Variants in NRXN3 observed in about 807,000 individuals in gnomAD.
The protein encoded by NRXN3 is neurexin 3, also known as neurexin III.
In NRXN3, 32 loss-of-function variants were observed where a neutral mutation model predicts 137.6. The ratio of observed to expected loss-of-function variants is 0.23; its 90% CI spans 0.18 to 0.31. NRXN3 has a LOEUF of 0.31. Among genes scored for constraint, NRXN3 ranks in the 10% least tolerant of loss-of-function variants. The probability of loss-of-function intolerance (pLI) is 1.00; values close to 1 mark genes in which losing one functional copy is unlikely to be tolerated. For synonymous variants in NRXN3, 798 were observed against 784.5 expected, an observed-to-expected ratio of 1.02 and a Z score of -0.29; for missense variants, 1,574 against 2,062.5, an observed-to-expected ratio of 0.76 and a Z score of 4.59.
At chr14:78,902,320 G>A (rs1477836697) in intron 10 of NRXN3, among the ~76,000 whole-genome samples, 1 of 151,972 alleles carries the variant, frequency 6.6e-6, no homozygotes, top group East Asian at 1.9e-4. Context: ...TCTAATTTAT[G>A]TTTTAACCTG....
At chr14:78,728,256 G>A (rs889547790) in intron 8 of NRXN3, among the ~76,000 whole-genome samples, 47 of 152,090 alleles carry the variant, frequency 3.1e-4, no homozygotes, top group Admixed American at 6.6e-4. Context: ...ACATGTAATC[G>A]TCCCTTTATT....
intron 8 of NRXN3, among the ~76,000 whole-genome samples, chr14:78,798,698 A>G (rs2153070523): frequency 6.6e-6 from 1 of 152,316 alleles, no homozygotes; most frequent in South Asian, 2.1e-4. Flanking sequence ...CCTGGAGCCC[A>G]TCTCTGCCTA....
At chr14:78,613,688 T>A (rs959996701) in intron 4 of NRXN3, among the ~76,000 whole-genome samples, 2 of 150,426 alleles carry the variant, frequency 1.3e-5, no homozygotes, top group African/African-American at 4.9e-5. Context: ...CAAGTGAAAT[T>A]GGTGGAGAAC....
At position 78,756,035 on chromosome 14, in the gene NRXN3, C is replaced by T. The variant is rs565639406; in HGVS notation, c.2044+40896C>T. Among the ~76,000 whole-genome samples, 14 of 152,256 alleles carry T rather than the reference C, an allele frequency of 9.2e-5. No homozygotes were observed. The South Asian group carries it at 2.5e-3, about 27-fold the overall frequency. ...TGGAAAGTATGAGAGATATTTCTCA[C>T]AAGGCTGCTTATAGCAAGTAAAATA... On this transcript the variant is annotated intron_variant, in intron 8 of 20. Transcript: ENST00000335750.
intron 16 of NRXN3, among the ~76,000 whole-genome samples, chr14:79,496,243 A>T (rs61995168): frequency 6.6e-5 from 9 of 136,498 alleles, no homozygotes; most frequent in Admixed American, 1.4e-4. Flanking sequence ...TCTCTCACAC[A>T]CACACACACA....
chr14:79,730,997 T>C lies in NRXN3; in HGVS notation c.4014+33060T>C, dbSNP rs182651930. On this transcript the variant is annotated intron_variant, in intron 19 of 20. Transcript: ENST00000335750. ...TACCCAATCGTTCTAATGTGATGTT[T>C]CCTTTGGAAAAAACCTACAACTCAG... is the stretch of plus-strand genomic sequence containing the variant. Among the ~76,000 whole-genome samples, 136 of 152,306 alleles carry C rather than the reference T, an allele frequency of 8.9e-4. 1 individual carries two copies. The highest frequency in any genetic ancestry group is 3.4e-3 in the Middle Eastern group (1 of 294).
rs2099418589 is a variant in NRXN3, at chr14:79,867,700, C to CA, written c.*5739dup. On this transcript the variant is annotated 3_prime_UTR_variant, in exon 21 of 21. Transcript: ENST00000335750. The stretch of plus-strand genomic sequence containing the variant: ...GTGGGAATTGCAAAGGTTGAAGTTC[C>CA]AAAGTATCAAGGGAATCAGAATTGG... 6.6e-6 allele frequency: 1 copy of CA among 151,998 alleles called. No individual in the cohort carries two copies. Among genetic ancestry groups the CA allele is most frequent in the Non-Finnish European group, 1.5e-5 (1 of 68,016 alleles). The allele number at this position is 151,998 out of a possible 1,614,324, so 9.4% of individuals were successfully genotyped here.
At chr14:79,569,291 T>G in intron 16 of NRXN3, among the ~76,000 whole-genome samples, 1 of 152,190 alleles carries the variant, frequency 6.6e-6, no homozygotes, top group South Asian at 2.1e-4. Context: ...TCTTTGTGGC[T>G]TAGGAGAGAA....
chr14:79,217,386 A>G (rs75618698), intron 15 of NRXN3, among the ~76,000 whole-genome samples: 4,264 of 152,174 alleles, frequency 0.028, 143 homozygotes, highest in East Asian at 0.098. Flanking sequence ...ACTCATTACT[A>G]AGAGCAGGGC....
chr14:79,814,280 T>A (rs2099244913), intron 20 of NRXN3, among the ~76,000 whole-genome samples: 1 of 152,264 alleles, frequency 6.6e-6, no homozygotes. Flanking sequence ...GTTTGGCACA[T>A]CTGTCTTGCC....
intron 10 of NRXN3, among the ~76,000 whole-genome samples, chr14:78,825,158 C>CTG (rs1471332397): frequency 7.5e-6 from 1 of 133,222 alleles, no homozygotes; most frequent in Non-Finnish European, 1.5e-5. Context: ...GATTGCAACA[C>CTG]TGCACTCCAG....
At chr14:79,267,461 C>T (rs927792175) in intron 15 of NRXN3, among the ~76,000 whole-genome samples, 11 of 151,850 alleles carry the variant, frequency 7.2e-5, no homozygotes, top group Non-Finnish European at 1.0e-4. Context: ...CAGGCTCAAC[C>T]GTTCTCATGC....
intron 10 of NRXN3, among the ~76,000 whole-genome samples, chr14:78,945,286 A>G (rs2099362918): frequency 6.6e-6 from 1 of 152,046 alleles, no homozygotes; most frequent in African/African-American, 2.4e-5. Context: ...ATTTCTTTTA[A>G]TCTGTGTTCT....
chr14:78,911,205 A>G (rs1437216341), intron 10 of NRXN3, among the ~76,000 whole-genome samples: 1 of 152,190 alleles, frequency 6.6e-6, no homozygotes, highest in Non-Finnish European at 1.5e-5. Context: ...ATTTTTATAA[A>G]TGAGAAAGCT....
At chr14:79,594,200 G>T (rs1193592917) in intron 16 of NRXN3, among the ~76,000 whole-genome samples, 2 of 152,166 alleles carry the variant, frequency 1.3e-5, no homozygotes, top group South Asian at 2.1e-4. Context: ...TAATGTCTAA[G>T]TATATCTAAA....
chr14:78,663,441 T>C (rs1319002128), intron 6 of NRXN3, among the ~76,000 whole-genome samples: 1 of 152,202 alleles, frequency 6.6e-6, no homozygotes, highest in African/African-American at 2.4e-5. Context: ...AAATTGATAT[T>C]GCTCAACCTG....
chr14:78,272,463 T>G (rs937021090), intron 2 of NRXN3, among the ~76,000 whole-genome samples: 1 of 152,156 alleles, frequency 6.6e-6, no homozygotes, highest in Non-Finnish European at 1.5e-5. Flanking sequence ...GGTGGAAACA[T>G]CTATTTGATC....
intron 4 of NRXN3, among the ~76,000 whole-genome samples, chr14:78,557,619 C>A (rs951644991): frequency 6.6e-6 from 1 of 152,210 alleles, no homozygotes; most frequent in Non-Finnish European, 1.5e-5. Context: ...ATGACAGCTG[C>A]AGGACTACCT....
At chr14:78,433,408 G>A (rs894476718) in intron 4 of NRXN3, among the ~76,000 whole-genome samples, 1 of 152,018 alleles carries the variant, frequency 6.6e-6, no homozygotes, top group African/African-American at 2.4e-5. Context: ...TGCCATGTAC[G>A]TTAGCTTGCT....
Sources: allele counts gnomAD v4.1 joint callset (sites outside exome capture counted in the v4.1 genomes callset), GRCh38; gene constraint gnomAD v4.1.1; transcripts MANE v1.5; gene names NCBI Gene and HGNC (gene_info 2026-07-23, HGNC 2026-07-21).